Variants in KCNK13 observed in about 807,000 individuals in gnomAD.
KCNK13 encodes the protein potassium two pore domain channel subfamily K member 13.
In KCNK13, 12 loss-of-function variants were observed where a neutral mutation model predicts 23.4. The observed-to-expected ratio is 0.51, with a 90% confidence interval of 0.33 to 0.83. KCNK13 has a LOEUF of 0.83. KCNK13 is among the 40% of genes least tolerant of loss of function. The pLI, the probability that KCNK13 is intolerant of heterozygous loss-of-function variation, is 0.02. For missense variants in KCNK13, 463 were observed against 556.3 expected, an observed-to-expected ratio of 0.83 and a Z score of 1.69; for synonymous variants, 231 against 229.5, an observed-to-expected ratio of 1.01 and a Z score of -0.06.
chr14:90,133,576 T>C (rs774298570), intron 1 of KCNK13, among the ~76,000 whole-genome samples: 7 of 143,808 alleles, frequency 4.9e-5, no homozygotes, highest in Non-Finnish European at 9.0e-5. Flanking sequence ...TCAAATCTTA[T>C]TTAGAACAAA....
chr14:90,114,407 G>A (rs982990248), intron 1 of KCNK13, among the ~76,000 whole-genome samples: 1 of 152,170 alleles, frequency 6.6e-6, no homozygotes, highest in Non-Finnish European at 1.5e-5. Context: ...CACCCGCAGA[G>A]ATTCTGATTT....
At chr14:90,162,048 T>G (rs1488399524) in intron 1 of KCNK13, among the ~76,000 whole-genome samples, 1 of 152,010 alleles carries the variant, frequency 6.6e-6, no homozygotes, top group Non-Finnish European at 1.5e-5. Context: ...GACGTGGCAG[T>G]GCGCACCTGT....
intron 1 of KCNK13, among the ~76,000 whole-genome samples, chr14:90,071,636 C>A (rs1370248461): frequency 6.6e-6 from 1 of 152,162 alleles, no homozygotes; most frequent in East Asian, 1.9e-4. Flanking sequence ...ATCTTTTCCC[C>A]TTAGAAGGAA....
At chr14:90,162,867 A>G (rs1022301552) in intron 1 of KCNK13, among the ~76,000 whole-genome samples, 16 of 152,240 alleles carry the variant, frequency 1.1e-4, no homozygotes, top group African/African-American at 3.9e-4. Flanking sequence ...TTTGCAACAT[A>G]TATAGAAGAC....
chr14:90,077,021 A>G (rs1286915), intron 1 of KCNK13, among the ~76,000 whole-genome samples: 38,348 of 149,326 alleles, frequency 0.26, 5,324 homozygotes, highest in Non-Finnish European at 0.32. Flanking sequence ...GGGTTTCACC[A>G]TGTTAGCCAG....
intron 1 of KCNK13, among the ~76,000 whole-genome samples, chr14:90,136,921 A>G (rs918900611): frequency 1.3e-5 from 2 of 152,196 alleles, no homozygotes; most frequent in African/African-American, 4.8e-5. Flanking sequence ...TAGCGTCGTC[A>G]TGTGTATTTC....
intron 1 of KCNK13, among the ~76,000 whole-genome samples, chr14:90,182,018 G>A (rs1305174382): frequency 6.6e-6 from 1 of 152,206 alleles, no homozygotes; most frequent in Non-Finnish European, 1.5e-5. Context: ...TCCCAGAGAA[G>A]AGATGATGGT....
At chr14:90,081,113 A>C (rs1247118005) in intron 1 of KCNK13, among the ~76,000 whole-genome samples, 1 of 152,264 alleles carries the variant, frequency 6.6e-6, no homozygotes, top group Non-Finnish European at 1.5e-5. Context: ...ACTGGGACCA[A>C]AGAGGAATAA....
intron 1 of KCNK13, chr14:90,108,038 G>A (rs1889568014): frequency 4.7e-6 from 3 of 643,556 alleles, no homozygotes; most frequent in Non-Finnish European, 8.8e-6. Flanking sequence ...TCAAGAGCTG[G>A]ATGGCATTGC....
At chr14:90,116,623 C>A (rs957809271) in intron 1 of KCNK13, among the ~76,000 whole-genome samples, 2 of 152,086 alleles carry the variant, frequency 1.3e-5, no homozygotes, top group Non-Finnish European at 2.9e-5. Context: ...GGATTTAGAC[C>A]GCTCATTACA....
At chr14:90,085,984 T>C (rs764783591) in intron 1 of KCNK13, among the ~76,000 whole-genome samples, 1 of 150,842 alleles carries the variant, frequency 6.6e-6, no homozygotes, top group Non-Finnish European at 1.5e-5. Context: ...AGTTGGGGCA[T>C]GTTCATTCGT....
intron 1 of KCNK13, among the ~76,000 whole-genome samples, chr14:90,083,360 GA>G (rs1889235532): frequency 6.6e-6 from 1 of 152,154 alleles, no homozygotes; most frequent in Non-Finnish European, 1.5e-5. Flanking sequence ...CTAAGGTCAT[GA>G]AGATTTATAC....
chr14:90,114,042 T>C lies in KCNK13; in HGVS notation c.334+51503T>C, dbSNP rs79447407. On this transcript the variant is annotated intron_variant, in intron 1 of 1. Coordinates refer to ENST00000282146, the MANE Select transcript of KCNK13 (RefSeq NM_022054.4). The stretch of plus-strand genomic sequence containing the variant: ...TTTCTCTAAGTCTAAAATTATTCCC[T>C]TAAGTATGGTGGGGTCAAAATGCCC... 7.8e-4 allele frequency among the ~76,000 whole-genome samples: 119 copies of C among 152,340 alleles called. 1 individual carries two copies. Among genetic ancestry groups the C allele is most frequent in the Middle Eastern group, 3.4e-3 (1 of 294 alleles).
chr14:90,114,747 G>T (rs1015847354), intron 1 of KCNK13, among the ~76,000 whole-genome samples: 1 of 152,202 alleles, frequency 6.6e-6, no homozygotes, highest in African/African-American at 2.4e-5. Context: ...TTCTCCGGGT[G>T]TTCCTGTGCA....
intron 1 of KCNK13, among the ~76,000 whole-genome samples, chr14:90,074,328 ATATT>A (rs1889112130): frequency 6.6e-6 from 1 of 152,184 alleles, no homozygotes; most frequent in African/African-American, 2.4e-5. Flanking sequence ...TATGTCTAAA[ATATT>A]TATCTTGTTC....
intron 1 of KCNK13, among the ~76,000 whole-genome samples, chr14:90,151,486 T>C (rs1277718649): frequency 6.6e-6 from 1 of 152,230 alleles, no homozygotes; most frequent in Non-Finnish European, 1.5e-5. Flanking sequence ...TTATCTGTTT[T>C]CTTGCTATTG....
chr14:90,064,254 T>C (rs1322825279), intron 1 of KCNK13, among the ~76,000 whole-genome samples: 1 of 152,086 alleles, frequency 6.6e-6, no homozygotes, highest in African/African-American at 2.4e-5. Context: ...TTTTTTTAGA[T>C]TGAATGGTAA....
chr14:90,063,731 T>C (rs970044518), intron 1 of KCNK13, among the ~76,000 whole-genome samples: 1 of 152,150 alleles, frequency 6.6e-6, no homozygotes, highest in Non-Finnish European at 1.5e-5. Flanking sequence ...CTGTGCTACA[T>C]AGACATTCTG....
intron 1 of KCNK13, among the ~76,000 whole-genome samples, chr14:90,109,697 A>G (rs1889591300): frequency 6.8e-6 from 1 of 147,126 alleles, no homozygotes. Flanking sequence ...GGCATGAGCC[A>G]TGGTGCCTGG....
Sources: gnomAD v4.1 joint callset for allele counts (sites outside exome capture counted in the v4.1 genomes callset) on GRCh38, gnomAD v4.1.1 for gene constraint, MANE v1.5 for transcripts, NCBI Gene and HGNC (gene_info 2026-07-23, HGNC 2026-07-21) for gene names.